Variants in CACNA1G observed in about 807,000 individuals in gnomAD.
CACNA1G encodes the protein voltage-dependent T-type calcium channel subunit alpha-1G.
A neutral mutation model predicts 219.4 loss-of-function variants in CACNA1G; 67 were observed. That is an observed-to-expected ratio of 0.31 (90% CI 0.25 to 0.37). The LOEUF is 0.37. CACNA1G is among the 10% of genes least tolerant of loss of function. The pLI is 1.00. For missense variants in CACNA1G, 2,380 were observed against 3,231.4 expected (o/e 0.74, Z 6.39); for synonymous variants, 1,296 against 1,345.3 (o/e 0.96, Z 0.80).
intron 36 of CACNA1G, 42 bp from the exon 37 acceptor site, chr17:50,624,318 A>AT: frequency 7.0e-7 from 1 of 1,420,618 alleles, no homozygotes; most frequent in East Asian, 2.5e-5. Flanking sequence ...CTCCAGCTCC[A>AT]TTCTCTCCCC....
intron 4 of CACNA1G, among the ~76,000 whole-genome samples, chr17:50,570,589 G>GTGTGTGTGTGTGTGTGTGT (rs1567968386): frequency 6.6e-5 from 10 of 150,532 alleles, no homozygotes; most frequent in East Asian, 2.0e-4. Flanking sequence ...GTGTGTGTGT[G>GTGTGTGTGTGTGTGTGTGT]ATGTTGCTGC....
At position 50,578,510 on chromosome 17, in the gene CACNA1G, C is replaced by A. The variant is rs1257806661; in HGVS notation, c.2247C>A (p.Ile749=). 1.9e-6 allele frequency: 3 copies of A among 1,581,608 alleles called. No individual in the cohort carries two copies. In the East Asian group the frequency reaches 6.7e-5, roughly 36 times the overall value. ...IVDSKYFGRG[I]MIAILVNTLS... ...ACAGCAAGTACTTTGGCCGGGGAAT[C>A]ATGATCGCCATCCTGGTCAACACAC... The change falls in exon 9 of 38, where the codon ATC becomes ATA. Residue 749 remains isoleucine (I), a synonymous_variant. Coordinates refer to ENST00000359106, the MANE Select transcript of CACNA1G (RefSeq NM_018896.5). This position sits in a 1 kb window ranked among gnomAD's most constrained non-coding sequence, Gnocchi z 4.5.
chr17:50,582,473 G>A (rs2042158546), intron 9 of CACNA1G, among the ~76,000 whole-genome samples: 1 of 152,212 alleles, frequency 6.6e-6, no homozygotes, highest in African/African-American at 2.4e-5. Context: ...TCTACCTGGG[G>A]TGGGAGCAAT....
rs747761042 is a variant in CACNA1G, at chr17:50,575,784, G to A, written c.1382G>A (p.Arg461Gln). The change falls in exon 8 of 38, where the codon CGG becomes CAG. Residue 461 changes from arginine to glutamine, a missense_variant. By Grantham distance (43) the Arg-to-Gln change is conservative. Transcript: ENST00000359106. ...LAQVSRAAGV[R>Q]VGLLSSPAPL... ...CAGGTCTCTCGGGCAGCAGGTGTGC[G>A]GGTTGGGCTGCTCAGCAGCCCAGCA... 62 of 1,554,140 alleles carry A rather than the reference G, an allele frequency of 4.0e-5. No individual in the cohort carries two copies. Among genetic ancestry groups the A allele is most frequent in the Middle Eastern group, 3.4e-4 (2 of 5,876 alleles).
At chr17:50,624,125 C>T in intron 36 of CACNA1G, 50 bp downstream of exon 36, 1 of 1,584,284 alleles carries the variant, frequency 6.3e-7, no homozygotes, top group Non-Finnish European at 8.6e-7. Context: ...AGATTCCATC[C>T]TGGCCTAAGC....
chr17:50,591,566 T>C lies in CACNA1G; in HGVS notation c.2585T>C (p.Met862Thr). The change falls in exon 11 of 38, where the codon ATG becomes ACG. Residue 862 changes from methionine (M) to threonine (T), a missense_variant. Met to Thr is a moderately conservative substitution (Grantham distance 81). Coordinates refer to ENST00000359106, the MANE Select transcript of CACNA1G (RefSeq NM_018896.5). ...CAGCTGGTGGTGCTCATGAAGACCA[T>C]GGACAACGTGGCCACCTTCTGCATG... ...QRQLVVLMKT[M>T]DNVATFCMLL... 1 of 1,613,168 alleles carries C rather than the reference T, an allele frequency of 6.2e-7. No individual in the cohort carries two copies. Among genetic ancestry groups the C allele is most frequent in the Non-Finnish European group, 8.5e-7 (1 of 1,179,646 alleles).
At chr17:50,622,831 C>T (rs2052498260) in intron 35 of CACNA1G, among the ~76,000 whole-genome samples, 1 of 152,204 alleles carries the variant, frequency 6.6e-6, no homozygotes, top group Non-Finnish European at 1.5e-5. Flanking sequence ...TGAATTTGGC[C>T]TCCACCCTCA....
Position 50,626,273 on chromosome 17 carries a change from C to T in CACNA1G, c.6656C>T (p.Thr2219Met), listed in dbSNP as rs1433017716. Reference sequence around the variant, plus strand: ...ACCAGAAGCAGCTTAGAGTTGGACACGGAGCTGAGCTGGATTTCAGGAGAC... The same window carrying T: ...ACCAGAAGCAGCTTAGAGTTGGACATGGAGCTGAGCTGGATTTCAGGAGAC... Reference protein sequence around the residue: ...PETRSSLELDTELSWISGDLL... With the variant: ...PETRSSLELDMELSWISGDLL... The change falls in exon 38 of 38, where the codon ACG (threonine) becomes ATG (methionine). Residue 2219 changes from threonine to methionine, a missense_variant. By Grantham distance (81) the Thr-to-Met change is moderately conservative. This residue lies in a region of CACNA1G where 672 missense variants were observed against 670.5 expected (regional missense o/e 1.00). Coordinates refer to ENST00000359106, the MANE Select transcript of CACNA1G (RefSeq NM_018896.5). This position sits in a 1 kb window ranked among gnomAD's most constrained non-coding sequence, Gnocchi z 4.3. 13 of 1,613,436 alleles carry T rather than the reference C, an allele frequency of 8.1e-6. No homozygotes were observed. The highest frequency in any genetic ancestry group is 6.7e-5 in the East Asian group (3 of 44,880).
At chr17:50,623,793 A>G in intron 35 of CACNA1G, 114 bp from the exon 36 acceptor site, 1 of 1,114,442 alleles carries the variant, frequency 9.0e-7, no homozygotes, top group Non-Finnish European at 1.3e-6. Flanking sequence ...CTGGGAGGGC[A>G]CGGGGGTGAG....
rs1568007445 is a variant in CACNA1G, at chr17:50,578,336, G to A, written c.2073G>A (p.Glu691=). The change falls in exon 9 of 38, where the codon GAG becomes GAA. Residue 691 remains glutamate, a synonymous_variant. Transcript: ENST00000359106. This position sits in a 1 kb window ranked among gnomAD's most constrained non-coding sequence, Gnocchi z 4.5. The part of the protein sequence containing the change: ...ADREMPDSDS[E]AVYEFTQDAQ... ...GTGAAATGCCTGACTCAGACAGCGA[G>A]GCAGTTTATGAGTTCACACAGGATG... The A allele has an allele frequency of 6.2e-7, 1 of 1,613,324 alleles. No individual in the cohort carries two copies. Among genetic ancestry groups the A allele is most frequent in the Non-Finnish European group, 8.5e-7 (1 of 1,179,880 alleles).
intron 33 of CACNA1G, 43 bp downstream of exon 33, chr17:50,619,051 G>T (rs2051146901): frequency 6.9e-7 from 1 of 1,443,020 alleles, no homozygotes; most frequent in South Asian, 1.4e-5. Flanking sequence ...GCTGGGGCAG[G>T]AGAAGGGTGT....
At position 50,626,189 on chromosome 17, in the gene CACNA1G, T is replaced by C. The variant is rs1447008650; in HGVS notation, c.6572T>C (p.Met2191Thr). The change falls in exon 38 of 38, where the codon ATG (methionine) becomes ACG (threonine). Residue 2191 changes from methionine to threonine, a missense_variant. Coordinates refer to ENST00000359106, the MANE Select transcript of CACNA1G (RefSeq NM_018896.5). This position sits in a 1 kb window ranked among gnomAD's most constrained non-coding sequence, Gnocchi z 4.3. ...SRSHSKISKH[M>T]TPPAPCPGPE... ...AGCCACAGCAAGATCTCCAAGCACA[T>C]GACCCCGCCAGCCCCTTGCCCAGGC... 1.2e-6 allele frequency: 2 copies of C among 1,613,826 alleles called. No individual in the cohort carries two copies. The highest frequency in any genetic ancestry group is 1.7e-6 in the Non-Finnish European group (2 of 1,179,838).
chr17:50,615,954 G>T (rs2050472891), intron 27 of CACNA1G, among the ~76,000 whole-genome samples: 1 of 152,222 alleles, frequency 6.6e-6, no homozygotes, highest in African/African-American at 2.4e-5. Context: ...TCCATCCAAT[G>T]AGGGGGTTGA....
chr17:50,602,798 C>A, intron 19 of CACNA1G, 22 bp from the exon 20 acceptor site: 1 of 1,612,448 alleles, frequency 6.2e-7, no homozygotes, highest in East Asian at 2.2e-5. Context: ...GGCGGGCAAC[C>A]CCTGCCTCCC....
chr17:50,569,360 G>C, intron 3 of CACNA1G, 62 bp downstream of exon 3: 1 of 1,570,480 alleles, frequency 6.4e-7, no homozygotes, highest in Non-Finnish European at 8.7e-7. Flanking sequence ...CCGGGGCCAG[G>C]GTTCTGGGCC....
chr17:50,562,132 G>A (rs1257445251), intron 1 of CACNA1G: 2 of 150,000 alleles, frequency 1.3e-5, no homozygotes, highest in Non-Finnish European at 3.0e-5. Context: ...GTGGGGGGTG[G>A]GTGGGGGCGG....
chr17:50,603,166 TGCTGCG>T lies in CACNA1G; in HGVS notation c.4142_4147del (p.Arg1381_Leu1382del). ...ACCAAGATCCTGGGCATGCTGAGGG[TGCTGCG>T]GCTGCTGCGGACCCTGCGCCCGCTC... On this transcript the variant is annotated inframe_deletion, in exon 21 of 38. Transcript: ENST00000359106. This position sits in a 1 kb window ranked among gnomAD's most constrained non-coding sequence, Gnocchi z 6.4. The T allele has an allele frequency of 6.2e-7, 1 of 1,608,064 alleles. No homozygotes were observed. Among genetic ancestry groups the T allele is most frequent in the Non-Finnish European group, 8.5e-7 (1 of 1,179,676 alleles).
intron 8 of CACNA1G, among the ~76,000 whole-genome samples, chr17:50,577,289 T>A (rs1230773166): frequency 1.3e-5 from 2 of 151,856 alleles, no homozygotes; most frequent in Non-Finnish European, 2.9e-5. Context: ...AAGGGAGAAA[T>A]GTCGCTGAGA....
In CACNA1G at chr17:50,595,005, C is replaced by T. The variant is rs201831777; in HGVS notation, c.2923C>T (p.Arg975Trp). The T allele has an allele frequency of 2.1e-5, 32 of 1,554,236 alleles. No homozygotes were observed. The highest frequency in any genetic ancestry group is 9.6e-5 in the African/African-American group (7 of 73,262). ...EGFQAEEISK[R>W]EDASGQLSCI... Reference sequence around the variant, plus strand: ...CCTTTCCCTGTAGGAAATCAGCAAACGGGAAGATGCGAGTGGACAGTTAAG... The same window carrying T: ...CCTTTCCCTGTAGGAAATCAGCAAATGGGAAGATGCGAGTGGACAGTTAAG... The change falls in exon 14 of 38, where the codon CGG becomes TGG. Residue 975 changes from arginine (R) to tryptophan (W), a missense_variant. Coordinates refer to ENST00000359106, the MANE Select transcript of CACNA1G (RefSeq NM_018896.5).
Sources: allele counts gnomAD v4.1 joint callset (sites outside exome capture counted in the v4.1 genomes callset), GRCh38; gene constraint gnomAD v4.1.1; regional missense constraint gnomAD v4.1.1; non-coding constraint Gnocchi (gnomAD v3.1); transcripts MANE v1.5; gene names NCBI Gene and HGNC (gene_info 2026-07-23, HGNC 2026-07-21).